Variants in ALKBH8 observed in about 807,000 individuals in gnomAD.
ALKBH8 encodes the protein alkB homolog 8, tRNA methyltransferase, also known as tRNA (carboxymethyluridine(34)-5-O)-methyltransferase ALKBH8.
In ALKBH8, 36 loss-of-function variants were observed where a neutral mutation model predicts 59.8. That is an observed-to-expected ratio of 0.60 (90% CI 0.46 to 0.79). ALKBH8 has a LOEUF of 0.79. Among genes scored for constraint, ALKBH8 ranks in the 30% least tolerant of loss-of-function variants. ALKBH8 has a pLI of 0.00. For missense variants in ALKBH8, 768 were observed against 801.0 expected (o/e 0.96, Z 0.50); for synonymous variants, 276 against 273.6 (o/e 1.01, Z -0.09).
At chr11:107,544,565 T>C (rs1864171406) in intron 7 of ALKBH8, among the ~76,000 whole-genome samples, 2 of 152,084 alleles carry the variant, frequency 1.3e-5, no homozygotes, top group South Asian at 4.1e-4. Flanking sequence ...GTATAAAAAA[T>C]GACATGATCA....
chr11:107,542,957 G>A (rs185321270), intron 7 of ALKBH8, among the ~76,000 whole-genome samples: 7 of 152,096 alleles, frequency 4.6e-5, no homozygotes. Context: ...ATGACAGTGG[G>A]GTCATTAACC....
intron 7 of ALKBH8, among the ~76,000 whole-genome samples, chr11:107,543,708 G>A (rs1008787141): frequency 5.3e-5 from 8 of 151,902 alleles, no homozygotes; most frequent in Non-Finnish European, 2.9e-5. Context: ...AGCGAGAAAA[G>A]ATAGCATTTT....
Position 107,525,706 on chromosome 11 carries a change from A to C in ALKBH8, c.879-114T>G, listed in dbSNP as rs1356574142. ...CTAGAAGAATTTATTACAAATATCTATTGGATTCCCTGAATTGTTAGACAT... is the reference window on the plus strand; with the variant it reads ...CTAGAAGAATTTATTACAAATATCTCTTGGATTCCCTGAATTGTTAGACAT... On this transcript the variant is annotated intron_variant, in intron 8 of 11. Transcript: ENST00000428149. 10 of 698,370 alleles carry C rather than the reference A, an allele frequency of 1.4e-5. No individual in the cohort carries two copies. The African/African-American group carries it at 1.9e-4, about 13-fold the overall frequency. 43.3% of individuals were successfully genotyped at this position (698,370 alleles called of 1,614,324 possible). A position where few individuals can be genotyped will look rare whatever the true frequency, so the allele number is the denominator to read the frequency against.
Position 107,525,559 on chromosome 11 carries a change from T to G in ALKBH8, c.912A>C (p.Ala304=). ...TAATTCCACTTTTAAGACTCTCAGATGCTTGAACAGTATCAAATTTTCTGC... is the reference window on the plus strand; with the variant it reads ...TAATTCCACTTTTAAGACTCTCAGAGGCTTGAACAGTATCAAATTTTCTGC... The part of the protein sequence containing the change: ...ITCRKFDTVQ[A]SESLKSGIIT... The change falls in exon 9 of 12, where the codon GCA becomes GCC. Residue 304 remains alanine (A), a synonymous_variant. Coordinates refer to ENST00000428149, the MANE Select transcript of ALKBH8 (RefSeq NM_138775.3). The G allele has an allele frequency of 6.7e-7, 1 of 1,497,516 alleles. No homozygotes were observed. The highest frequency in any genetic ancestry group is 8.9e-7 in the Non-Finnish European group (1 of 1,125,920). 92.8% of individuals were successfully genotyped at this position (1,497,516 alleles called of 1,614,324 possible).
At chr11:107,510,518 T>C (rs1042579135) in intron 11 of ALKBH8, among the ~76,000 whole-genome samples, 2 of 152,282 alleles carry the variant, frequency 1.3e-5, no homozygotes, top group African/African-American at 4.8e-5. Flanking sequence ...AAGGGACTCA[T>C]AGAGTCTGAG....
In ALKBH8 at chr11:107,503,134, T is replaced by G. The variant is rs1375788877; in HGVS notation, c.*1524A>C. On this transcript the variant is annotated 3_prime_UTR_variant, in exon 12 of 12. Transcript: ENST00000428149. ...ATCTATTTCATTTGGATGTTAAAAT[T>G]TATTGGCATGACTTGACTTCAAACT... The G allele has an allele frequency of 6.6e-6, 1 of 152,198 alleles. No individual in the cohort carries two copies. The highest frequency in any genetic ancestry group is 2.4e-5 in the African/African-American group (1 of 41,454). 9.4% of individuals were successfully genotyped at this position (152,198 alleles called of 1,614,324 possible).
In ALKBH8 at chr11:107,504,287, G is replaced by C. The variant is rs1306976326; in HGVS notation, c.*371C>G. On this transcript the variant is annotated 3_prime_UTR_variant, in exon 12 of 12. Coordinates refer to ENST00000428149, the MANE Select transcript of ALKBH8 (RefSeq NM_138775.3). ...TTTCTATTGACCAGGACTATTTTCT[G>C]TATTAACATATAATTACATCCCTAA... The C allele has an allele frequency of 7.8e-6, 4 of 514,316 alleles. No individual in the cohort carries two copies. The highest frequency in any genetic ancestry group is 5.9e-5 in the African/African-American group (3 of 50,574). 31.9% of individuals were successfully genotyped at this position (514,316 alleles called of 1,614,324 possible).
chr11:107,525,602 A>G lies in ALKBH8; in HGVS notation c.879-10T>C. 3.7e-6 allele frequency: 5 copies of G among 1,357,190 alleles called. No homozygotes were observed. The highest frequency in any genetic ancestry group is 4.8e-6 in the Non-Finnish European group (5 of 1,050,556). 84.1% of individuals were successfully genotyped at this position (1,357,190 alleles called of 1,614,324 possible). On this transcript the variant is annotated splice_polypyrimidine_tract_variant and intron_variant, in intron 8 of 11. Transcript: ENST00000428149. ...TTTTCTGCACGTGATTCTAAAAACA[A>G]TAGTCAAAAAAATTTACTTAACATT...
chr11:107,532,733 C>T (rs1863650188), intron 7 of ALKBH8, among the ~76,000 whole-genome samples: 1 of 152,104 alleles, frequency 6.6e-6, no homozygotes, highest in African/African-American at 2.4e-5. Flanking sequence ...GAGTAGAGGT[C>T]AAACACAGGG....
chr11:107,542,543 A>C (rs1864083511), intron 7 of ALKBH8, among the ~76,000 whole-genome samples: 1 of 152,166 alleles, frequency 6.6e-6, no homozygotes, highest in Non-Finnish European at 1.5e-5. Flanking sequence ...AGCAGTTTTT[A>C]ACAGAAAACA....
In ALKBH8 at chr11:107,522,423, C is replaced by A; in HGVS notation, c.1163G>T (p.Ser388Ile). The change falls in exon 10 of 12, where the codon AGC becomes ATC. Residue 388 changes from serine to isoleucine, a missense_variant. Ser to Ile is a moderately radical substitution (Grantham distance 142). Transcript: ENST00000428149. ...VYEEIAGHFS[S>I]TRHTPWPHIV... is the part of the protein sequence containing the mutation. ...GTGCGGCCAAGGGGTATGTCTTGTG[C>A]TGCTGAAGTGCCCAGCAATCTCTTC... 1.9e-6 allele frequency: 3 copies of A among 1,551,790 alleles called. No homozygotes were observed. Among genetic ancestry groups the A allele is most frequent in the African/African-American group, 1.4e-5 (1 of 73,158 alleles).
intron 7 of ALKBH8, among the ~76,000 whole-genome samples, chr11:107,543,965 TG>T (rs1864148137): frequency 6.6e-6 from 1 of 152,158 alleles, no homozygotes; most frequent in Non-Finnish European, 1.5e-5. Context: ...AACAAAATAT[TG>T]ATGAGTGAAT....
chr11:107,565,221 A>C (rs2135607001), intron 1 of ALKBH8: 1 of 260,452 alleles, frequency 3.8e-6, no homozygotes, highest in South Asian at 6.7e-5. Flanking sequence ...TCAGCTGCGC[A>C]AGGGATCAGA....
At chr11:107,531,383 T>C (rs1187055411) in intron 8 of ALKBH8, among the ~76,000 whole-genome samples, 2 of 152,178 alleles carry the variant, frequency 1.3e-5, no homozygotes, top group Non-Finnish European at 2.9e-5. Context: ...CACATACTAA[T>C]TTCTTTAGAT....
At chr11:107,530,329 C>A (rs1863534285) in intron 8 of ALKBH8, among the ~76,000 whole-genome samples, 1 of 152,056 alleles carries the variant, frequency 6.6e-6, no homozygotes, top group African/African-American at 2.4e-5. Context: ...TTTTTCAATC[C>A]ATGTCCCTCT....
Position 107,505,038 on chromosome 11 carries a change from T to A in ALKBH8, c.1615A>T (p.Arg539Trp). 6.4e-7 allele frequency: 1 copy of A among 1,551,722 alleles called. No individual in the cohort carries two copies. The highest frequency in any genetic ancestry group is 8.7e-7 in the Non-Finnish European group (1 of 1,146,970). Residue 539 changes from arginine (R) to tryptophan (W), a missense_variant, in exon 12 of 12, where the codon AGG becomes TGG. Transcript: ENST00000428149. ...TCACGCATTTGCTCCACAAGTGACC[T>A]CTGCACTGAGGTATCACTGTTCATC... The part of the protein sequence containing the change: ...EEMNSDTSVQ[R>W]SLVEQMRDMG...
At chr11:107,539,918 C>T (rs939650300) in intron 7 of ALKBH8, among the ~76,000 whole-genome samples, 2 of 152,186 alleles carry the variant, frequency 1.3e-5, no homozygotes, top group African/African-American at 2.4e-5. Flanking sequence ...GCGGCAATTT[C>T]ATAAAGTACA....
chr11:107,549,712 G>C (rs777840796), intron 7 of ALKBH8, 41 bp downstream of exon 7: 26 of 1,368,366 alleles, frequency 1.9e-5, no homozygotes, highest in Middle Eastern at 3.6e-4. Context: ...CATTGTACAA[G>C]GTAAGATATA....
intron 1 of ALKBH8, among the ~76,000 whole-genome samples, chr11:107,564,754 A>G (rs1319799433): frequency 6.6e-6 from 1 of 152,130 alleles, no homozygotes; most frequent in African/African-American, 2.4e-5. Context: ...CACTCTCATT[A>G]ATTTGTTTAT....
Sources: gnomAD v4.1 joint callset for allele counts (sites outside exome capture counted in the v4.1 genomes callset) on GRCh38, gnomAD v4.1.1 for gene constraint, MANE v1.5 for transcripts, NCBI Gene and HGNC (gene_info 2026-07-23, HGNC 2026-07-21) for gene names.